Variants in MYO9A observed in about 807,000 individuals in gnomAD.
MYO9A encodes the protein myosin IXA.
In MYO9A, 103 loss-of-function variants were observed where a neutral mutation model predicts 293.3. The observed-to-expected ratio is 0.35, with a 90% confidence interval of 0.30 to 0.41. The LOEUF (loss-of-function observed/expected upper bound fraction) is 0.41, where lower values mean the gene tolerates loss of function less well. MYO9A is among the 10% of genes least tolerant of loss of function. The pLI is 1.00. For synonymous variants in MYO9A, 1,001 were observed against 1,035.7 expected (o/e 0.97, Z 0.64); for missense variants, 2,685 against 3,033.0 (o/e 0.89, Z 2.69).
At chr15:71,830,398 T>A in intron 39 of MYO9A, 87 bp from the exon 40 acceptor site, 1 of 1,229,888 alleles carries the variant, frequency 8.1e-7, no homozygotes, top group Non-Finnish European at 1.2e-6. Flanking sequence ...TGTATTTCCA[T>A]CACACCAGGT....
chr15:72,047,363 T>TTGTATCAATGC (rs2078416651), intron 1 of MYO9A, among the ~76,000 whole-genome samples: 1 of 152,172 alleles, frequency 6.6e-6, no homozygotes, highest in South Asian at 2.1e-4. Context: ...AATGCTACCA[T>TTGTATCAATGC]TATATCTTTT....
At chr15:71,863,980 T>C (rs1596058521) in intron 32 of MYO9A, among the ~76,000 whole-genome samples, 2 of 152,216 alleles carry the variant, frequency 1.3e-5, no homozygotes, top group African/African-American at 4.8e-5. Context: ...GTTTTGGACT[T>C]AATTAAAACT....
At chr15:71,900,721 T>C (rs574448260) in intron 23 of MYO9A, among the ~76,000 whole-genome samples, 7 of 152,208 alleles carry the variant, frequency 4.6e-5, no homozygotes, top group African/African-American at 1.7e-4. Context: ...AAGATGAAGA[T>C]ACTAAAGATT....
At chr15:72,046,741 A>G (rs1411474966) in intron 1 of MYO9A, 107 bp from the exon 2 acceptor site, 6 of 635,002 alleles carry the variant, frequency 9.4e-6, no homozygotes, top group Non-Finnish European at 1.5e-5. Context: ...CTAAAACACA[A>G]AATACTAACT....
rs2054458077 is a variant in MYO9A, at chr15:71,825,796, A to AGAAAC, written c.*779_*783dup. 1 of 152,238 alleles carries AGAAAC rather than the reference A, an allele frequency of 6.6e-6. No individual in the cohort carries two copies. The highest frequency in any genetic ancestry group is 2.4e-5 in the African/African-American group (1 of 41,468). The allele number at this position is 152,238 out of a possible 1,614,324, so 9.4% of individuals were successfully genotyped here. Reference sequence around the variant, plus strand: ...GTAGAAGAATCTGATCCTAGGACCAAGAAACATGAGAACAGTATGGCTACT... The same window carrying AGAAAC: ...GTAGAAGAATCTGATCCTAGGACCAAGAAACGAAACATGAGAACAGTATGGCTACT... On this transcript the variant is annotated 3_prime_UTR_variant, in exon 42 of 42. Transcript: ENST00000356056.
chr15:71,864,527 C>A (rs906739948), intron 32 of MYO9A, among the ~76,000 whole-genome samples: 2 of 152,102 alleles, frequency 1.3e-5, no homozygotes, highest in African/African-American at 4.8e-5. Context: ...AAAACCTGTA[C>A]GTAACTGTTC....
chr15:72,009,828 T>G (rs2077122186), intron 7 of MYO9A, among the ~76,000 whole-genome samples: 1 of 152,210 alleles, frequency 6.6e-6, no homozygotes, highest in Non-Finnish European at 1.5e-5. Context: ...GTCTTTAATT[T>G]TAAATAATTT....
intron 6 of MYO9A, among the ~76,000 whole-genome samples, chr15:72,012,627 T>C (rs2077207344): frequency 6.6e-5 from 10 of 152,122 alleles, no homozygotes; most frequent in Admixed American, 6.6e-4. Flanking sequence ...ACATTCTTCT[T>C]TTACCTATAG....
chr15:71,995,012 G>A (rs940265038), intron 9 of MYO9A, among the ~76,000 whole-genome samples: 4 of 152,204 alleles, frequency 2.6e-5, no homozygotes, highest in Admixed American at 1.3e-4. Context: ...GATTACAGGC[G>A]TGAGCCACCG....
At position 71,928,027 on chromosome 15, in the gene MYO9A, AATATATATATATATATATAT is replaced by A. The variant is rs1191908867; in HGVS notation, c.2562+5623_2562+5642del. ...GCTGTTTTGATTACAATACCTTTCTAATATATATATATATATATATATATATATATTTTTTTTTTTTTTTT... is the reference window on the plus strand; with the variant it reads ...GCTGTTTTGATTACAATACCTTTCTAATATATATATTTTTTTTTTTTTTTT... On this transcript the variant is annotated intron_variant, in intron 18 of 41. Transcript: ENST00000356056. 1.4e-3 allele frequency among the ~76,000 whole-genome samples: 15 copies of A among 10,756 alleles called. 2 individuals carry two copies. Among genetic ancestry groups the A allele is most frequent in the South Asian group, 5.0e-3 (1 of 200 alleles). 7.1% of individuals were successfully genotyped at this position (10,756 alleles called of 152,430 possible).
chr15:71,958,480 A>T lies in MYO9A; in HGVS notation c.2182+1421T>A, dbSNP rs969532424. On this transcript the variant is annotated intron_variant, in intron 14 of 41. Coordinates refer to ENST00000356056, the MANE Select transcript of MYO9A (RefSeq NM_006901.4). ...TCGGAAACAAATCTGCTCAGGCTTC[A>T]AAATGCAAACAAACTAGAGTTTTTC... is the stretch of plus-strand genomic sequence containing the variant. The T allele has an allele frequency of 2.5e-4, 38 of 152,208 alleles. 1 individual carries two copies. The highest frequency in any genetic ancestry group is 2.4e-3 in the Admixed American group (36 of 15,276). The allele number at this position is 152,208 out of a possible 1,614,324, so 9.4% of individuals were successfully genotyped here.
At chr15:71,961,659 T>C (rs1435862495) in intron 13 of MYO9A, among the ~76,000 whole-genome samples, 2 of 152,178 alleles carry the variant, frequency 1.3e-5, no homozygotes, top group East Asian at 1.9e-4. Flanking sequence ...CATTCACTCA[T>C]AACCAAATGG....
At chr15:72,077,997 T>C (rs1334224404) in intron 1 of MYO9A, among the ~76,000 whole-genome samples, 1 of 152,050 alleles carries the variant, frequency 6.6e-6, no homozygotes, top group Non-Finnish European at 1.5e-5. Context: ...CCTATTAGAA[T>C]GGCAAAATTC....
In MYO9A at chr15:71,823,144, T is replaced by A. The variant is rs2054338392; in HGVS notation, c.*3436A>T. ...AGGAAAGCCATGGAGTGAGTATGTA[T>A]GTTTCTTTTTAAAATGAAAACTCTC... is the stretch of plus-strand genomic sequence containing the variant. On this transcript the variant is annotated 3_prime_UTR_variant, in exon 42 of 42. Coordinates refer to ENST00000356056, the MANE Select transcript of MYO9A (RefSeq NM_006901.4). 6.6e-6 allele frequency: 1 copy of A among 151,938 alleles called. No homozygotes were observed. Among genetic ancestry groups the A allele is most frequent in the South Asian group, 2.1e-4 (1 of 4,800 alleles). 9.4% of individuals were successfully genotyped at this position (151,938 alleles called of 1,614,324 possible). A position where few individuals can be genotyped will look rare whatever the true frequency, so the allele number is the denominator to read the frequency against.
At position 72,053,455 on chromosome 15, in the gene MYO9A, T is replaced by G. The variant is rs568094677; in HGVS notation, c.-71-6821A>C. On this transcript the variant is annotated intron_variant, in intron 1 of 41. Coordinates refer to ENST00000356056, the MANE Select transcript of MYO9A (RefSeq NM_006901.4). ...AGTGTAACTTTCCATGTGGCACATA[T>G]ACACCACGGAATACTATGCAGCCAT... Among the ~76,000 whole-genome samples, 3 of 152,154 alleles carry G rather than the reference T, an allele frequency of 2.0e-5. No individual in the cohort carries two copies. In the East Asian group the frequency reaches 5.8e-4, roughly 29 times the overall value.
chr15:71,838,265 T>C (rs2055016840), intron 39 of MYO9A, among the ~76,000 whole-genome samples: 1 of 152,160 alleles, frequency 6.6e-6, no homozygotes, highest in South Asian at 2.1e-4. Context: ...TATTTTCTTA[T>C]GGTACGTCAC....
At chr15:71,928,903 GA>G (rs34057335) in intron 18 of MYO9A, among the ~76,000 whole-genome samples, 15 of 144,184 alleles carry the variant, frequency 1.0e-4, no homozygotes, top group Admixed American at 1.4e-4. Flanking sequence ...ATCTCTACGA[GA>G]AAAAAAAAAA....
chr15:72,051,551 C>T (rs934509390), intron 1 of MYO9A, among the ~76,000 whole-genome samples: 1 of 152,262 alleles, frequency 6.6e-6, no homozygotes. Flanking sequence ...GAAGGCCCCC[C>T]GCCCAGTCCC....
At chr15:71,988,800 A>G (rs755098608) in intron 11 of MYO9A, among the ~76,000 whole-genome samples, 11 of 152,230 alleles carry the variant, frequency 7.2e-5, no homozygotes, top group African/African-American at 2.7e-4. Flanking sequence ...CTGGGGTACA[A>G]TGTAAACCTA....
Sources: allele counts gnomAD v4.1 joint callset (sites outside exome capture counted in the v4.1 genomes callset), GRCh38; gene constraint gnomAD v4.1.1; transcripts MANE v1.5; gene names NCBI Gene and HGNC (gene_info 2026-07-23, HGNC 2026-07-21).